Variants in TXK observed in about 807,000 individuals in gnomAD.
The protein encoded by TXK is tyrosine-protein kinase TXK.
TXK carries 60 observed loss-of-function variants against 81.0 expected under a neutral mutation model. The observed-to-expected ratio is 0.74, with a 90% CI of 0.60 to 0.92. The LOEUF is 0.92. Ranked by LOEUF, TXK falls within the 40% of genes least tolerant of loss-of-function variation. The pLI is 0.00. For missense variants in TXK, 581 were observed against 638.3 expected (o/e 0.91, Z 0.97); for synonymous variants, 203 against 210.7 (o/e 0.96, Z 0.32).
chr4:48,086,694 G>A lies in TXK; in HGVS notation c.785-57C>T, dbSNP rs1577657296. The A allele has an allele frequency of 1.8e-5, 27 of 1,515,974 alleles. No individual in the cohort carries two copies. In the South Asian group the frequency reaches 3.0e-4, roughly 17 times the overall value. 93.9% of individuals were successfully genotyped at this position (1,515,974 alleles called of 1,614,324 possible). ...GAAAGAAAGACTGTTAAAATATTAG[G>A]GCTGGAAAATGTTTAGGAAGTATCT... On this transcript the variant is annotated intron_variant, in intron 9 of 14. Coordinates refer to ENST00000264316, the MANE Select transcript of TXK (RefSeq NM_003328.3).
chr4:48,113,324 C>A lies in TXK; in HGVS notation c.72-15G>T. 6.3e-7 allele frequency: 1 copy of A among 1,575,144 alleles called. No homozygotes were observed. Among genetic ancestry groups the A allele is most frequent in the Non-Finnish European group, 8.7e-7 (1 of 1,149,844 alleles). The stretch of plus-strand genomic sequence containing the variant: ...TTCTCATTTGTCTGACATTGAAAAG[C>A]AATCATGTTACAAATAATTATTTGT... On this transcript the variant is annotated splice_polypyrimidine_tract_variant and intron_variant, in intron 2 of 14. Coordinates refer to ENST00000264316, the MANE Select transcript of TXK (RefSeq NM_003328.3).
chr4:48,112,185 T>C (rs1013327973), intron 4 of TXK, 122 bp downstream of exon 4: 7 of 911,770 alleles, frequency 7.7e-6, no homozygotes, highest in South Asian at 1.6e-5. Context: ...CTCTCACACA[T>C]CCTGGGGGAG....
chr4:48,092,589 A>G (rs1378007918), intron 8 of TXK, among the ~76,000 whole-genome samples: 1 of 67,682 alleles, frequency 1.5e-5, no homozygotes, highest in Non-Finnish European at 4.0e-5. Flanking sequence ...TTACAAGAGC[A>G]ATGTGTAAAG....
chr4:48,075,638 A>G (rs1424743212), intron 12 of TXK, among the ~76,000 whole-genome samples: 1 of 152,104 alleles, frequency 6.6e-6, no homozygotes, highest in East Asian at 1.9e-4. Context: ...TGACAGAGTA[A>G]GACTCTGTCG....
chr4:48,098,871 T>C (rs1445775828), intron 6 of TXK, among the ~76,000 whole-genome samples: 2 of 152,092 alleles, frequency 1.3e-5, no homozygotes, highest in African/African-American at 4.8e-5. Flanking sequence ...AGGCAGAGGC[T>C]GCAGTGAGCT....
intron 4 of TXK, among the ~76,000 whole-genome samples, 181 bp from the exon 5 acceptor site, chr4:48,110,784 G>A (rs1560358170): frequency 6.6e-6 from 1 of 152,134 alleles, no homozygotes; most frequent in Non-Finnish European, 1.5e-5. Flanking sequence ...CTCTGTACAA[G>A]GAATGTATTA....
chr4:48,134,067 T>C lies in TXK; in HGVS notation c.16+88A>G, dbSNP rs542215199. 5.3e-6 allele frequency: 8 copies of C among 1,505,976 alleles called. No individual in the cohort carries two copies. The African/African-American group carries it at 9.8e-5, about 18-fold the overall frequency. The allele number at this position is 1,505,976 out of a possible 1,614,324, so 93.3% of individuals were successfully genotyped here. A position where few individuals can be genotyped will look rare whatever the true frequency, so the allele number is the denominator to read the frequency against. On this transcript the variant is annotated intron_variant, in intron 1 of 14. Transcript: ENST00000264316. ...TTTTAATGTCCCCAAGCTCTATGCCTTGGAAAAAAAAAACTTCCTCTGCTG... is the reference window on the plus strand; with the variant it reads ...TTTTAATGTCCCCAAGCTCTATGCCCTGGAAAAAAAAAACTTCCTCTGCTG...
At chr4:48,076,058 C>G (rs1717057310) in intron 12 of TXK, among the ~76,000 whole-genome samples, 1 of 152,152 alleles carries the variant, frequency 6.6e-6, no homozygotes. Flanking sequence ...CAGAGCTGAG[C>G]AAACAAATTT....
intron 13 of TXK, 87 bp downstream of exon 13, chr4:48,073,848 A>G: frequency 1.1e-6 from 1 of 890,722 alleles, no homozygotes; most frequent in Non-Finnish European, 1.8e-6. Flanking sequence ...AAAAAATGCT[A>G]TATCAATTAG....
intron 1 of TXK, among the ~76,000 whole-genome samples, chr4:48,131,207 C>T (rs531087746): frequency 2.6e-5 from 4 of 152,254 alleles, no homozygotes; most frequent in Admixed American, 2.0e-4. Context: ...CAATATCCCA[C>T]GCTCCACAAT....
intron 1 of TXK, among the ~76,000 whole-genome samples, chr4:48,126,138 C>T (rs1719083807): frequency 6.8e-6 from 1 of 147,762 alleles, no homozygotes; most frequent in African/African-American, 2.5e-5. Context: ...ATGGTATAAA[C>T]ATTTACATGA....
intron 6 of TXK, among the ~76,000 whole-genome samples, chr4:48,101,662 T>TA (rs1718200992): frequency 1.3e-5 from 2 of 151,998 alleles, no homozygotes; most frequent in South Asian, 4.1e-4. Context: ...ATATTTTAAA[T>TA]ATCCCATGCT....
In TXK at chr4:48,080,047, C is replaced by T. The variant is rs1464917418; in HGVS notation, c.1038G>A (p.Met346Ile). 5.0e-6 allele frequency: 8 copies of T among 1,614,058 alleles called. No individual in the cohort carries two copies. In the South Asian group the frequency reaches 8.8e-5, roughly 18 times the overall value. ...RKPLYIVTEF[M>I]ENGCLLNYLR... ...GATAGTTAAGCAGGCAGCCATTTTC[C>T]ATGAACTCTGTCACAATGTAAAGGG... Residue 346 changes from methionine to isoleucine, a missense_variant, in exon 11 of 15, where the codon ATG becomes ATA. Met to Ile is a conservative substitution (Grantham distance 10). Coordinates refer to ENST00000264316, the MANE Select transcript of TXK (RefSeq NM_003328.3).
At chr4:48,069,568 C>T (rs1476452771) in intron 14 of TXK, among the ~76,000 whole-genome samples, 2 of 152,006 alleles carry the variant, frequency 1.3e-5, no homozygotes, top group Non-Finnish European at 2.9e-5. Context: ...CCTCGTGATT[C>T]GCCCACCTCA....
chr4:48,123,840 A>G (rs752582101), intron 1 of TXK, among the ~76,000 whole-genome samples: 3 of 152,094 alleles, frequency 2.0e-5, no homozygotes, highest in Non-Finnish European at 2.9e-5. Flanking sequence ...CCCACTTTCA[A>G]GGTCTTCCAT....
chr4:48,108,576 T>C (rs540762250), intron 5 of TXK, among the ~76,000 whole-genome samples: 4 of 152,304 alleles, frequency 2.6e-5, no homozygotes, highest in Non-Finnish European at 5.9e-5. Flanking sequence ...AGAACAGTGC[T>C]TGGCACATAG....
chr4:48,068,480 G>A (rs968444278), intron 14 of TXK, among the ~76,000 whole-genome samples: 4 of 152,182 alleles, frequency 2.6e-5, no homozygotes, highest in Non-Finnish European at 5.9e-5. Context: ...AAAAATAAGA[G>A]TGTGGAAGTC....
At chr4:48,098,585 G>C (rs1165677372) in intron 6 of TXK, among the ~76,000 whole-genome samples, 1 of 151,372 alleles carries the variant, frequency 6.6e-6, no homozygotes, top group African/African-American at 2.5e-5. Flanking sequence ...AGGAATGCGT[G>C]TGTACTTCCT....
chr4:48,110,842 C>T (rs762153827), intron 4 of TXK, among the ~76,000 whole-genome samples: 3 of 152,162 alleles, frequency 2.0e-5, no homozygotes, highest in Non-Finnish European at 2.9e-5. Flanking sequence ...TATGACCCCA[C>T]AATCTTTTCA....
Sources: allele counts gnomAD v4.1 joint callset (sites outside exome capture counted in the v4.1 genomes callset), GRCh38; gene constraint gnomAD v4.1.1; transcripts MANE v1.5; gene names NCBI Gene and HGNC (gene_info 2026-07-23, HGNC 2026-07-21).